Variants in AKAP10 observed in about 807,000 individuals in gnomAD.
AKAP10 encodes the protein A-kinase anchoring protein 10, also known as A-kinase anchor protein 10, mitochondrial.
A neutral mutation model predicts 80.8 loss-of-function variants in AKAP10; 24 were observed. That is an observed-to-expected ratio of 0.30 (90% CI 0.22 to 0.42). The LOEUF is 0.42. AKAP10 is among the 10% of genes least tolerant of loss of function. The pLI, the probability that AKAP10 is intolerant of heterozygous loss-of-function variation, is 1.00. For synonymous variants in AKAP10, 291 were observed against 277.7 expected, an observed-to-expected ratio of 1.05 and a Z score of -0.48; for missense variants, 661 against 794.9, an observed-to-expected ratio of 0.83 and a Z score of 2.03.
At chr17:19,943,045 T>C (rs2152414755) in intron 5 of AKAP10, among the ~76,000 whole-genome samples, 1 of 152,188 alleles carries the variant, frequency 6.6e-6, no homozygotes, top group Middle Eastern at 3.4e-3. Flanking sequence ...ACAAGAGCTA[T>C]TACGCCTGGC....
chr17:19,919,682 CAA>C (rs1170592053), intron 12 of AKAP10, among the ~76,000 whole-genome samples: 2 of 117,996 alleles, frequency 1.7e-5, no homozygotes. Flanking sequence ...AGAACTGTCT[CAA>C]AAAAAAAAAA....
intron 2 of AKAP10, chr17:19,968,145 G>A (rs1192981746): frequency 4.6e-5 from 12 of 263,548 alleles, no homozygotes; most frequent in African/African-American, 1.2e-4. Flanking sequence ...AGCTTGCAGT[G>A]AGCCAAGATC....
chr17:19,912,981 CTTT>C (rs544057778), intron 12 of AKAP10, among the ~76,000 whole-genome samples: 1 of 141,536 alleles, frequency 7.1e-6, no homozygotes, highest in African/African-American at 2.6e-5. Flanking sequence ...TTCTTTCTTT[CTTT>C]TTTTTTTTTT....
At chr17:19,962,210 G>A (rs1171390872) in intron 3 of AKAP10, among the ~76,000 whole-genome samples, 7 of 151,946 alleles carry the variant, frequency 4.6e-5, no homozygotes. Flanking sequence ...ATATTTATAT[G>A]TTGTCCATAA....
At chr17:19,972,262 G>A (rs1490610655) in intron 1 of AKAP10, among the ~76,000 whole-genome samples, 2 of 151,874 alleles carry the variant, frequency 1.3e-5, no homozygotes, top group African/African-American at 4.8e-5. Flanking sequence ...TCATTTCCTT[G>A]TTTCCTTTGA....
At chr17:19,929,655 A>AC (rs1251304953) in intron 10 of AKAP10, 1 of 152,240 alleles carries the variant, frequency 6.6e-6, no homozygotes, top group South Asian at 2.1e-4. Flanking sequence ...TATGGTTAGT[A>AC]CCTAGGCCTT....
intron 12 of AKAP10, among the ~76,000 whole-genome samples, chr17:19,910,249 C>T (rs897652662): frequency 6.8e-6 from 1 of 146,846 alleles, no homozygotes; most frequent in Non-Finnish European, 1.5e-5. Context: ...ATTGCTTGAA[C>T]CTGGGAGCAG....
chr17:19,943,536 G>A (rs981470686), intron 5 of AKAP10, among the ~76,000 whole-genome samples: 1 of 152,208 alleles, frequency 6.6e-6, no homozygotes, highest in African/African-American at 2.4e-5. Flanking sequence ...AGAGTGCATG[G>A]AAGCTCTGTG....
At chr17:19,948,346 A>T (rs1021994837) in intron 4 of AKAP10, among the ~76,000 whole-genome samples, 9 of 148,848 alleles carry the variant, frequency 6.0e-5, no homozygotes, top group Non-Finnish European at 1.2e-4. Flanking sequence ...ACAAAGAAGA[A>T]GTTCCAAGAC....
rs1300463265 is a variant in AKAP10, at chr17:19,941,839, C to A, written c.1048G>T (p.Ala350Ser). The A allele has an allele frequency of 6.3e-7, 1 of 1,599,102 alleles. No individual in the cohort carries two copies. Among genetic ancestry groups the A allele is most frequent in the East Asian group, 2.3e-5 (1 of 44,282 alleles). The change falls in exon 6 of 15, where the codon GCA (alanine) becomes TCA (serine). Residue 350 changes from alanine (A) to serine (S), a missense_variant. By Grantham distance (99) the Ala-to-Ser change is moderately conservative (BLOSUM62 1). Coordinates refer to ENST00000225737, the MANE Select transcript of AKAP10 (RefSeq NM_007202.4). ...FVLAQSIVFS[A>S]MEQEHFSEFL... ...GAACTAACTTACTCTTGCTCCATTGCACTAAAGACTATGGACTGTGCCAAA... is the reference window on the plus strand; with the variant it reads ...GAACTAACTTACTCTTGCTCCATTGAACTAAAGACTATGGACTGTGCCAAA...
chr17:19,916,584 A>G (rs1362881844), intron 12 of AKAP10, among the ~76,000 whole-genome samples: 1 of 152,088 alleles, frequency 6.6e-6, no homozygotes, highest in Non-Finnish European at 1.5e-5. Flanking sequence ...TAACACATAT[A>G]CATATGAAGC....
intron 8 of AKAP10, among the ~76,000 whole-genome samples, chr17:19,938,517 G>A (rs1451072175): frequency 6.6e-6 from 1 of 152,056 alleles, no homozygotes; most frequent in Non-Finnish European, 1.5e-5. Flanking sequence ...GATTATAGGC[G>A]TGAGCCACCG....
intron 9 of AKAP10, among the ~76,000 whole-genome samples, chr17:19,935,612 T>G (rs1410367738): frequency 6.7e-6 from 1 of 149,494 alleles, no homozygotes; most frequent in Non-Finnish European, 1.5e-5. Flanking sequence ...TTTCTATTTT[T>G]AATTTTTTTT....
At chr17:19,928,230 A>T (rs1039502506) in intron 10 of AKAP10, among the ~76,000 whole-genome samples, 17 of 152,246 alleles carry the variant, frequency 1.1e-4, no homozygotes, top group Admixed American at 2.0e-4. Context: ...GTCTCAAAAA[A>T]AAATAAATAA....
chr17:19,957,587 T>C (rs562547853), intron 4 of AKAP10, among the ~76,000 whole-genome samples: 1 of 152,192 alleles, frequency 6.6e-6, no homozygotes, highest in African/African-American at 2.4e-5. Context: ...TTGTGACTAA[T>C]AAATAAAATC....
chr17:19,962,146 A>G (rs2043357562), intron 3 of AKAP10, among the ~76,000 whole-genome samples: 1 of 152,116 alleles, frequency 6.6e-6, no homozygotes. Context: ...ACAAATGGCT[A>G]TATTATACTC....
At chr17:19,908,180 C>G (rs2042651567) in intron 14 of AKAP10, among the ~76,000 whole-genome samples, 1 of 152,274 alleles carries the variant, frequency 6.6e-6, no homozygotes, top group Middle Eastern at 3.4e-3. Context: ...GTCAGACATT[C>G]TAACTTTACA....
intron 4 of AKAP10, among the ~76,000 whole-genome samples, chr17:19,952,446 A>G (rs1263295441): frequency 6.6e-6 from 1 of 151,576 alleles, no homozygotes; most frequent in Non-Finnish European, 1.5e-5. Flanking sequence ...CTTGGGCAAC[A>G]AGAGCAAAAC....
intron 9 of AKAP10, among the ~76,000 whole-genome samples, chr17:19,932,242 G>C (rs2042941934): frequency 6.6e-6 from 1 of 151,852 alleles, no homozygotes; most frequent in African/African-American, 2.4e-5. Context: ...CTTGAGACCA[G>C]GAGTTCAAGA....
Sources: gnomAD v4.1 joint callset for allele counts (sites outside exome capture counted in the v4.1 genomes callset) on GRCh38, gnomAD v4.1.1 for gene constraint, MANE v1.5 for transcripts, NCBI Gene and HGNC (gene_info 2026-07-23, HGNC 2026-07-21) for gene names.